The following MGAT4C variants were observed in gnomAD, a reference collection of about 807,000 sequenced individuals.
MGAT4C encodes the protein MGAT4 family member C.
MGAT4C carries 19 observed loss-of-function variants against 40.1 expected under a neutral mutation model. The observed-to-expected ratio is 0.47, with a 90% CI of 0.33 to 0.70. The LOEUF is 0.70. Among genes scored for constraint, MGAT4C ranks in the 30% least tolerant of loss-of-function variants. The pLI is 0.02. For missense variants in MGAT4C, 491 were observed against 563.2 expected, an observed-to-expected ratio of 0.87 and a Z score of 1.30; for synonymous variants, 181 against 187.1, an observed-to-expected ratio of 0.97 and a Z score of 0.27.
intron 3 of MGAT4C, among the ~76,000 whole-genome samples, chr12:86,360,235 A>C (rs1409679937): frequency 6.6e-6 from 1 of 152,146 alleles, no homozygotes; most frequent in Admixed American, 6.5e-5. Flanking sequence ...AGACAAAAAC[A>C]ACATGATTAT....
Position 86,828,776 on chromosome 12 carries a change from T to C in MGAT4C, c.-262+9890A>G, listed in dbSNP as rs1243662703. ...AAGACACAGAAGACTACATATTGCA[T>C]GATTCTATTTATGTGAAACGTCCAA... On this transcript the variant is annotated intron_variant, in intron 1 of 7. Coordinates refer to the MGAT4C transcript ENST00000548651. Among the ~76,000 whole-genome samples the C allele has an allele frequency of 3.3e-5, 5 of 151,630 alleles. No individual in the cohort carries two copies. In the East Asian group the frequency reaches 9.7e-4, roughly 29 times the overall value.
chr12:86,596,461 C>A (rs1961541608), intron 2 of MGAT4C, among the ~76,000 whole-genome samples: 2 of 152,188 alleles, frequency 1.3e-5, no homozygotes, highest in South Asian at 4.1e-4. Context: ...AGAATTAGTT[C>A]AGATCCTCCA....
intron 4 of MGAT4C, among the ~76,000 whole-genome samples, chr12:86,300,987 G>A (rs994192134): frequency 3.3e-5 from 5 of 152,146 alleles, no homozygotes; most frequent in African/African-American, 1.2e-4. Flanking sequence ...ATGTGCTATA[G>A]GGTCATAGAA....
At chr12:86,587,044 T>C (rs1404427065) in intron 2 of MGAT4C, among the ~76,000 whole-genome samples, 1 of 152,134 alleles carries the variant, frequency 6.6e-6, no homozygotes, top group Non-Finnish European at 1.5e-5. Flanking sequence ...ATGTCCTGAA[T>C]GGTATTGCCT....
rs373054859 is a variant in MGAT4C, at chr12:86,511,064, A to T, written c.-228-75799T>A. Among the ~76,000 whole-genome samples the T allele has an allele frequency of 8.5e-5, 13 of 152,278 alleles. No homozygotes were observed. The South Asian group carries it at 2.3e-3, about 27-fold the overall frequency. ...TTTTTTTCAGCACCACACCACACCT[A>T]TTCCACAATTGACCACATAGTTGGA... On this transcript the variant is annotated intron_variant, in intron 2 of 7. Coordinates refer to the MGAT4C transcript ENST00000548651.
At chr12:86,177,519 C>T (rs987083685) in intron 1 of MGAT4C, among the ~76,000 whole-genome samples, 7 of 152,050 alleles carry the variant, frequency 4.6e-5, no homozygotes, top group Non-Finnish European at 8.8e-5. Context: ...TATTAGATTT[C>T]ACCCAATATC....
At chr12:86,546,841 T>G (rs972360625) in intron 2 of MGAT4C, among the ~76,000 whole-genome samples, 19 of 152,022 alleles carry the variant, frequency 1.2e-4, no homozygotes, top group African/African-American at 4.6e-4. Context: ...AAAACACCAC[T>G]GTCTAGATGC....
intron 2 of MGAT4C, among the ~76,000 whole-genome samples, chr12:86,486,665 T>C (rs2406158): frequency 0.1 from 15,319 of 152,184 alleles, 1,008 homozygotes; most frequent in Middle Eastern, 0.24. Flanking sequence ...ATTAGAAAGA[T>C]TATTGAGGCA....
At position 85,968,617 on chromosome 12, in the gene MGAT4C, T is replaced by C. The variant is rs1824349434; in HGVS notation, c.*10672A>G. The C allele has an allele frequency of 6.6e-6, 1 of 151,956 alleles. No homozygotes were observed. The allele number at this position is 151,956 out of a possible 1,614,324, so 9.4% of individuals were successfully genotyped here. ...TTTTCTAATCTATAATCTTTCAAACTGGATAAATGGGAAGTTTTGGAATTT... is the reference window on the plus strand; with the variant it reads ...TTTTCTAATCTATAATCTTTCAAACCGGATAAATGGGAAGTTTTGGAATTT... On this transcript the variant is annotated 3_prime_UTR_variant, in exon 5 of 5. Coordinates refer to ENST00000611864, the MANE Select transcript of MGAT4C (RefSeq NM_001351288.2).
intron 1 of MGAT4C, among the ~76,000 whole-genome samples, chr12:86,798,386 A>T (rs2136200451): frequency 6.6e-6 from 1 of 152,018 alleles, no homozygotes; most frequent in Admixed American, 6.6e-5. Context: ...AATGTTCTAG[A>T]TTAATATCTG....
intron 4 of MGAT4C, among the ~76,000 whole-genome samples, chr12:86,265,408 A>G (rs1328464904): frequency 6.6e-6 from 1 of 152,174 alleles, no homozygotes; most frequent in African/African-American, 2.4e-5. Flanking sequence ...ACCACTGTTT[A>G]TTGAAAAGGG....
intron 4 of MGAT4C, among the ~76,000 whole-genome samples, chr12:86,299,108 AATTT>A (rs745960035): frequency 6.6e-6 from 1 of 151,800 alleles, no homozygotes; most frequent in Admixed American, 6.6e-5. Flanking sequence ...CTTTTCAGTA[AATTT>A]ATTTATTTAT....
chr12:86,534,566 C>T (rs1024872796), intron 2 of MGAT4C, among the ~76,000 whole-genome samples: 4 of 152,114 alleles, frequency 2.6e-5, no homozygotes, highest in African/African-American at 9.7e-5. Context: ...TATGTTACCT[C>T]ATTTAACTCT....
At chr12:86,683,447 T>A (rs1942462118) in intron 2 of MGAT4C, among the ~76,000 whole-genome samples, 1 of 152,160 alleles carries the variant, frequency 6.6e-6, no homozygotes, top group Non-Finnish European at 1.5e-5. Flanking sequence ...TAAATTTTAT[T>A]GTCTATCCTT....
chr12:86,147,441 C>T (rs1883692545), intron 1 of MGAT4C, among the ~76,000 whole-genome samples: 1 of 152,140 alleles, frequency 6.6e-6, no homozygotes, highest in Admixed American at 6.5e-5. Context: ...CGGGGTTTCA[C>T]CGTGTTAGCC....
intron 1 of MGAT4C, among the ~76,000 whole-genome samples, chr12:86,829,912 T>C (rs936135048): frequency 3.3e-5 from 5 of 150,400 alleles, no homozygotes; most frequent in African/African-American, 1.2e-4. Flanking sequence ...AAGGCATGTT[T>C]ACATACATAT....
intron 4 of MGAT4C, among the ~76,000 whole-genome samples, chr12:86,292,192 G>A (rs972075249): frequency 6.6e-6 from 1 of 151,586 alleles, no homozygotes; most frequent in Non-Finnish European, 1.5e-5. Context: ...TGGTGGTGGT[G>A]GTACAGCAAT....
In MGAT4C at chr12:85,962,721, G is replaced by GA. The variant is rs913644966; in HGVS notation, c.*16567dup. The GA allele has an allele frequency of 7.3e-5, 11 of 150,734 alleles. No individual in the cohort carries two copies. Among genetic ancestry groups the GA allele is most frequent in the Non-Finnish European group, 1.3e-4 (9 of 67,352 alleles). 9.3% of individuals were successfully genotyped at this position (150,734 alleles called of 1,614,324 possible). Reference sequence around the variant, plus strand: ...CTATCAACTACATTTTACATAGGATGAAAAAAATCATTATTTTTATTAATC... The same window carrying GA: ...CTATCAACTACATTTTACATAGGATGAAAAAAAATCATTATTTTTATTAATC... On this transcript the variant is annotated 3_prime_UTR_variant, in exon 5 of 5. Transcript: ENST00000611864.
At chr12:86,065,462 A>G (rs1011307523) in intron 1 of MGAT4C, among the ~76,000 whole-genome samples, 4 of 152,166 alleles carry the variant, frequency 2.6e-5, no homozygotes, top group African/African-American at 4.8e-5. Context: ...CAAAAACCAC[A>G]TGATTATCTC....
Sources: gnomAD v4.1 joint callset for allele counts (sites outside exome capture counted in the v4.1 genomes callset) on GRCh38, gnomAD v4.1.1 for gene constraint, MANE v1.5 for transcripts, NCBI Gene and HGNC (gene_info 2026-07-23, HGNC 2026-07-21) for gene names.